PCDHGA8: variants seen among roughly 807,000 people sequenced by gnomAD.
The protein encoded by PCDHGA8 is protocadherin gamma subfamily A, 8, also known as protocadherin gamma-A8.
In PCDHGA8, 45 loss-of-function variants were observed where a neutral mutation model predicts 59.2. The ratio of observed to expected loss-of-function variants is 0.76; its 90% CI spans 0.60 to 0.98. The LOEUF (loss-of-function observed/expected upper bound fraction) is 0.98. Ranked by LOEUF, PCDHGA8 falls within the 50% of genes least tolerant of loss-of-function variation. The probability of loss-of-function intolerance (pLI) is 0.00; values close to 1 mark genes in which losing one functional copy is unlikely to be tolerated. For synonymous variants in PCDHGA8, 531 were observed against 519.0 expected (o/e 1.02, Z -0.32); for missense variants, 1,257 against 1,196.2 (o/e 1.05, Z -0.75).
At chr5:141,496,121 C>G (rs1391009290) in intron 2 of PCDHGA8, among the ~76,000 whole-genome samples, 1 of 152,088 alleles carries the variant, frequency 6.6e-6, no homozygotes, top group Non-Finnish European at 1.5e-5. Context: ...TCCTTCCCTG[C>G]CCCTCACACA....
Position 141,485,844 on chromosome 5 carries a change from G to A in PCDHGA8, c.2425-8963G>A, listed in dbSNP as rs201857404. On this transcript the variant is annotated intron_variant, in intron 1 of 3. Transcript: ENST00000398604. The surrounding 1 kb of genome is among the most constrained non-coding windows in gnomAD (Gnocchi z 5.7). ...GATGGAGGGAACCCGCCGAGATCTGGCACCGCAGAGCTCCGGGTATCCGTG... is the reference window on the plus strand; with the variant it reads ...GATGGAGGGAACCCGCCGAGATCTGACACCGCAGAGCTCCGGGTATCCGTG... 6 of 1,613,890 alleles carry A rather than the reference G, an allele frequency of 3.7e-6. No homozygotes were observed. In the East Asian group the frequency reaches 1.1e-4, roughly 30 times the overall value.
intron 1 of PCDHGA8, chr5:141,428,158 G>C (rs776350833): frequency 3.8e-6 from 6 of 1,577,610 alleles, no homozygotes; most frequent in Non-Finnish European, 5.2e-6. Context: ...GGAACCTGCT[G>C]GTTGCTGTGC....
chr5:141,498,656 G>A (rs2154592341), intron 2 of PCDHGA8, among the ~76,000 whole-genome samples: 1 of 152,336 alleles, frequency 6.6e-6, no homozygotes, highest in Non-Finnish European at 1.5e-5. Context: ...ACCTGGCCAG[G>A]TGTGGTGGCT....
At chr5:141,456,148 C>T (rs1408257938) in intron 1 of PCDHGA8, among the ~76,000 whole-genome samples, 13 of 152,078 alleles carry the variant, frequency 8.5e-5, no homozygotes, top group African/African-American at 3.1e-4. Flanking sequence ...CCGCCCGCCT[C>T]GGCCTCCTAA....
Position 141,489,828 on chromosome 5 carries a change from A to G in PCDHGA8, c.2425-4979A>G. The G allele has an allele frequency of 1.9e-6, 3 of 1,614,010 alleles. No homozygotes were observed. The highest frequency in any genetic ancestry group is 1.1e-5 in the South Asian group (1 of 91,080). ...GGAAGCCATTCCCAGAGCTGGTGCTAGAGCAGCAGCTGGATCGTGAAGCCC... is the reference window on the plus strand; with the variant it reads ...GGAAGCCATTCCCAGAGCTGGTGCTGGAGCAGCAGCTGGATCGTGAAGCCC... On this transcript the variant is annotated intron_variant, in intron 1 of 3. Transcript: ENST00000398604. The surrounding 1 kb of genome is among the most constrained non-coding windows in gnomAD (Gnocchi z 4.5).
chr5:141,475,989 A>G, intron 1 of PCDHGA8: 1 of 1,130,622 alleles, frequency 8.8e-7, no homozygotes, highest in Non-Finnish European at 1.3e-6. Flanking sequence ...CCGGCGAGCA[A>G]ATCAACGGCA....
chr5:141,482,740 G>A (rs1288861437), intron 1 of PCDHGA8, among the ~76,000 whole-genome samples: 1 of 127,398 alleles, frequency 7.8e-6, no homozygotes, highest in African/African-American at 3.6e-5. Context: ...GAAATTCCAT[G>A]CAGAGGGATT....
Position 141,494,824 on chromosome 5 carries a change from G to A in PCDHGA8, c.2442G>A (p.Thr814=), listed in dbSNP as rs1423741889. The A allele has an allele frequency of 1.8e-5, 29 of 1,613,924 alleles. No homozygotes were observed. Among genetic ancestry groups the A allele is most frequent in the Non-Finnish European group, 2.4e-5 (28 of 1,180,032 alleles). Residue 814 remains threonine (T), a synonymous_variant, in exon 2 of 4, where the codon ACG becomes ACA. Transcript: ENST00000398604. The part of the protein sequence containing the change: ...ADHGQQAPPN[T]DWRFSQAQRP... ...CTCCACAGCAAGCCCCGCCCAACAC[G>A]GACTGGCGTTTCTCTCAGGCCCAGA...
At position 141,485,275 on chromosome 5, in the gene PCDHGA8, G is replaced by A. The variant is rs77402299; in HGVS notation, c.2425-9532G>A. The A allele has an allele frequency of 8.7e-6, 14 of 1,613,954 alleles. No homozygotes were observed. In the African/African-American group the frequency reaches 1.1e-4, roughly 12 times the overall value. ...ACGTTTGTGGGCAGATCCGCTACCC[G>A]GTCCCAGAGGAGTCACAGGAAGGGA... On this transcript the variant is annotated intron_variant, in intron 1 of 3. Transcript: ENST00000398604. The surrounding 1 kb of genome is among the most constrained non-coding windows in gnomAD (Gnocchi z 5.7).
chr5:141,443,656 A>T (rs139300845), intron 1 of PCDHGA8, among the ~76,000 whole-genome samples: 1 of 152,256 alleles, frequency 6.6e-6, no homozygotes, highest in African/African-American at 2.4e-5. Flanking sequence ...TTAGCATAGC[A>T]TTTTACTGAA....
chr5:141,486,760 G>C lies in PCDHGA8; in HGVS notation c.2425-8047G>C. ...GATCCTTTGACTATGAGCAAACCCAGACACTGCAGTTTGAGGTGCAGGCCC... is the reference window on the plus strand; with the variant it reads ...GATCCTTTGACTATGAGCAAACCCACACACTGCAGTTTGAGGTGCAGGCCC... On this transcript the variant is annotated intron_variant, in intron 1 of 3. Transcript: ENST00000398604. This position sits in a 1 kb window ranked among gnomAD's most constrained non-coding sequence, Gnocchi z 5.0. 1.2e-6 allele frequency: 2 copies of C among 1,614,240 alleles called. No homozygotes were observed. The highest frequency in any genetic ancestry group is 2.2e-5 in the South Asian group (2 of 91,086).
intron 1 of PCDHGA8, chr5:141,418,727 C>T: frequency 6.2e-7 from 1 of 1,613,976 alleles, no homozygotes; most frequent in Non-Finnish European, 8.5e-7. Flanking sequence ...CAAAGCTCAG[C>T]ACGTGTTCTC....
At chr5:141,420,289 AT>A in intron 1 of PCDHGA8, 1 of 1,497,936 alleles carries the variant, frequency 6.7e-7, no homozygotes, top group Non-Finnish European at 9.0e-7. Flanking sequence ...GTATTTAAAA[AT>A]GTATTTAATC....
In PCDHGA8 at chr5:141,393,813, C is replaced by G. The variant is rs376904307; in HGVS notation, c.1000C>G (p.Leu334Val). 2 of 1,613,814 alleles carry G rather than the reference C, an allele frequency of 1.2e-6. No individual in the cohort carries two copies. Among genetic ancestry groups the G allele is most frequent in the Non-Finnish European group, 8.5e-7 (1 of 1,179,898 alleles). The change falls in exon 1 of 4, where the codon CTC (leucine) becomes GTC (valine). Residue 334 changes from leucine to valine, a missense_variant. Leu to Val is a conservative substitution (Grantham distance 32, BLOSUM62 1). Coordinates refer to ENST00000398604, the MANE Select transcript of PCDHGA8 (RefSeq NM_032088.2). ...GGCACTTCTGGGGAGGACCAAATTG[C>G]TCATTTCGGTGGAAGATGTAAATGA... is the stretch of plus-strand genomic sequence containing the variant. ...VGALLGRTKL[L>V]ISVEDVNDNR...
chr5:141,485,549 G>T lies in PCDHGA8; in HGVS notation c.2425-9258G>T. 1 of 1,614,030 alleles carries T rather than the reference G, an allele frequency of 6.2e-7. No homozygotes were observed. Among genetic ancestry groups the T allele is most frequent in the Non-Finnish European group, 8.5e-7 (1 of 1,179,922 alleles). On this transcript the variant is annotated intron_variant, in intron 1 of 3. Coordinates refer to ENST00000398604, the MANE Select transcript of PCDHGA8 (RefSeq NM_032088.2). The surrounding 1 kb of genome is among the most constrained non-coding windows in gnomAD (Gnocchi z 5.7). Reference sequence around the variant, plus strand: ...CCGAGCAGAGGTAGAGATCGTAGATGTGAATGATCACGCCCCCCGTTTTCC... The same window carrying T: ...CCGAGCAGAGGTAGAGATCGTAGATTTGAATGATCACGCCCCCCGTTTTCC...
At position 141,403,603 on chromosome 5, in the gene PCDHGA8, C is replaced by T. The variant is rs2094431906; in HGVS notation, c.2424+8366C>T. On this transcript the variant is annotated intron_variant, in intron 1 of 3. Coordinates refer to ENST00000398604, the MANE Select transcript of PCDHGA8 (RefSeq NM_032088.2). ...ACCTGGTCCTCACGGCCTCGGATGG[C>T]GGCGAGCCGCGTCGCTCCAGCACAG... 4 of 1,613,762 alleles carry T rather than the reference C, an allele frequency of 2.5e-6. No individual in the cohort carries two copies. The East Asian group carries it at 8.9e-5, about 36-fold the overall frequency.
At chr5:141,397,843 C>A (rs1200465582) in intron 1 of PCDHGA8, 7 of 522,606 alleles carry the variant, frequency 1.3e-5, no homozygotes, top group Non-Finnish European at 2.0e-5. Context: ...CTTGAAGCCG[C>A]AGAGGCTGTA....
chr5:141,492,316 G>C (rs1283387204), intron 1 of PCDHGA8, among the ~76,000 whole-genome samples: 1 of 152,190 alleles, frequency 6.6e-6, no homozygotes. Context: ...CGCACTCCTC[G>C]CACGTGGGCT....
chr5:141,510,833 C>T (rs2099882936), intron 3 of PCDHGA8, 114 bp from the exon 4 acceptor site: 46 of 1,577,678 alleles, frequency 2.9e-5, no homozygotes, highest in South Asian at 2.5e-4. Context: ...CAGTGCTCAG[C>T]GTGGTCAAGG....
Sources: gnomAD v4.1 joint callset for allele counts (sites outside exome capture counted in the v4.1 genomes callset) on GRCh38, gnomAD v4.1.1 for gene constraint, Gnocchi (gnomAD v3.1) non-coding constraint, MANE v1.5 for transcripts, NCBI Gene and HGNC (gene_info 2026-07-23, HGNC 2026-07-21) for gene names.